Variants in HYCC2 observed in about 807,000 individuals in gnomAD.
HYCC2 encodes hyccin PI4KA lipid kinase complex subunit 2.
the HYCC2 span, among the ~76,000 whole-genome samples, chr2:201,007,472 G>C: frequency 1.3e-5 from 2 of 152,186 alleles, no homozygotes; most frequent in Non-Finnish European, 2.9e-5. Context: ...ATAGGTACTT[G>C]AAGTACAGTT....
At chr2:200,986,412 A>G in the HYCC2 span, among the ~76,000 whole-genome samples, 5 of 152,242 alleles carry the variant, frequency 3.3e-5, no homozygotes, top group African/African-American at 9.6e-5. Flanking sequence ...GATTTCATAA[A>G]TAAGTATAAA....
At chr2:200,986,166 CA>C in the HYCC2 span, among the ~76,000 whole-genome samples, 1 of 152,178 alleles carries the variant, frequency 6.6e-6, no homozygotes, top group South Asian at 2.1e-4. Context: ...AAGGATCTCT[CA>C]AACAGCACCA....
the HYCC2 span, among the ~76,000 whole-genome samples, chr2:201,041,473 T>C: frequency 5.9e-5 from 9 of 152,228 alleles, no homozygotes; most frequent in East Asian, 1.7e-3. Context: ...AATGCTGTCC[T>C]GCTCCTGCTA....
At chr2:201,004,442 A>G in the HYCC2 span, among the ~76,000 whole-genome samples, 1 of 152,162 alleles carries the variant, frequency 6.6e-6, no homozygotes, top group Non-Finnish European at 1.5e-5. Context: ...TATTTTTTGT[A>G]CCCTCTGAGG....
chr2:201,037,603 C>T, the HYCC2 span, among the ~76,000 whole-genome samples: 2 of 152,182 alleles, frequency 1.3e-5, no homozygotes, highest in Non-Finnish European at 2.9e-5. Flanking sequence ...CTACAACTAT[C>T]TGATCTTTGA....
At chr2:201,060,292 C>T in the HYCC2 span, among the ~76,000 whole-genome samples, 7 of 152,158 alleles carry the variant, frequency 4.6e-5, no homozygotes, top group Non-Finnish European at 8.8e-5. Context: ...ATCCTTACTC[C>T]ACTCTCACTA....
At chr2:201,025,457 G>GAAAGAAAAGA in the HYCC2 span, among the ~76,000 whole-genome samples, 7 of 151,136 alleles carry the variant, frequency 4.6e-5, no homozygotes, top group East Asian at 1.9e-4. Context: ...AAAAAAGAAA[G>GAAAGAAAAGA]AAAGAAAAGA....
At chr2:201,021,243 T>C in the HYCC2 span, among the ~76,000 whole-genome samples, 1 of 152,218 alleles carries the variant, frequency 6.6e-6, no homozygotes, top group Non-Finnish European at 1.5e-5. Context: ...TTTATCATTC[T>C]ATTTTTCTGA....
chr2:201,050,569 G>GTGGTTTTTT, the HYCC2 span, among the ~76,000 whole-genome samples: 1 of 150,342 alleles, frequency 6.7e-6, no homozygotes, highest in African/African-American at 2.4e-5. Context: ...TCCAGCCTGG[G>GTGGTTTTTT]TGACACAGCA....
the HYCC2 span, chr2:200,978,042 A>C: frequency 6.6e-6 from 1 of 152,176 alleles, no homozygotes; most frequent in Non-Finnish European, 1.5e-5. Context: ...TATCTTTTTC[A>C]TAGATGATTA....
At chr2:201,011,503 A>AGG in the HYCC2 span, 1 of 1,105,094 alleles carries the variant, frequency 9.0e-7, no homozygotes, top group South Asian at 2.0e-5. Flanking sequence ...AAGATAATGA[A>AGG]ATAATCACAG....
At chr2:200,994,984 G>A in the HYCC2 span, among the ~76,000 whole-genome samples, 1 of 150,670 alleles carries the variant, frequency 6.6e-6, no homozygotes, top group Non-Finnish European at 1.5e-5. Context: ...TTCTAGCCTG[G>A]GTGACAAAGG....
At chr2:201,061,135 T>TA in the HYCC2 span, among the ~76,000 whole-genome samples, 103 of 143,962 alleles carry the variant, frequency 7.2e-4, no homozygotes, top group Middle Eastern at 3.5e-3. Flanking sequence ...TTGTTCAAAT[T>TA]AAAAAAAAAA....
chr2:201,009,833 G>A, the HYCC2 span, among the ~76,000 whole-genome samples: 3 of 151,772 alleles, frequency 2.0e-5, no homozygotes, highest in Non-Finnish European at 4.4e-5. Context: ...GCCAGGCGCG[G>A]TGGCTCACGC....
chr2:201,009,991 C>T, the HYCC2 span, among the ~76,000 whole-genome samples: 1 of 151,572 alleles, frequency 6.6e-6, no homozygotes, highest in South Asian at 2.1e-4. Context: ...GTAGTCCCAG[C>T]TACTCGGAAG....
chr2:201,059,344 C>T, the HYCC2 span, among the ~76,000 whole-genome samples: 1 of 152,082 alleles, frequency 6.6e-6, no homozygotes, highest in Non-Finnish European at 1.5e-5. Context: ...ATGCAGAATC[C>T]ATCTCTTATA....
chr2:201,060,516 C>T, the HYCC2 span, among the ~76,000 whole-genome samples: 2 of 152,098 alleles, frequency 1.3e-5, 1 homozygote, highest in South Asian at 4.1e-4. Flanking sequence ...GCTGGAGGTC[C>T]AGCAACCATT....
the HYCC2 span, among the ~76,000 whole-genome samples, chr2:201,000,611 G>A: frequency 1.3e-5 from 2 of 152,114 alleles, no homozygotes; most frequent in African/African-American, 4.8e-5. Flanking sequence ...CTCATACACT[G>A]TTGTAGAAAC....
At chr2:201,022,940 A>C in the HYCC2 span, 2 of 1,590,776 alleles carry the variant, frequency 1.3e-6, no homozygotes, top group Non-Finnish European at 1.7e-6. Flanking sequence ...TGCCTAAAAG[A>C]AACCACCAAA....
Sources: gnomAD v4.1 joint callset for allele counts (sites outside exome capture counted in the v4.1 genomes callset) on GRCh38, gnomAD v4.1.1 for gene constraint, MANE v1.5 for transcripts, NCBI Gene and HGNC (gene_info 2026-07-23, HGNC 2026-07-21) for gene names.